KCNIP4: variants seen among roughly 807,000 people sequenced by gnomAD.
KCNIP4 encodes potassium voltage-gated channel interacting protein 4.
A neutral mutation model predicts 34.0 loss-of-function variants in KCNIP4; 12 were observed. The ratio of observed to expected loss-of-function variants is 0.35; its 90% CI spans 0.23 to 0.57. The LOEUF (loss-of-function observed/expected upper bound fraction) is 0.57. Among genes scored for constraint, KCNIP4 ranks in the 20% least tolerant of loss-of-function variants. The probability of loss-of-function intolerance (pLI) is 0.83; values close to 1 mark genes in which losing one functional copy is unlikely to be tolerated. For missense variants in KCNIP4, 238 were observed against 311.7 expected, an observed-to-expected ratio of 0.76 and a Z score of 1.78; for synonymous variants, 124 against 102.2, an observed-to-expected ratio of 1.21 and a Z score of -1.29.
At chr4:20,857,715 C>T (rs894618839) in intron 2 of KCNIP4, among the ~76,000 whole-genome samples, 1 of 152,042 alleles carries the variant, frequency 6.6e-6, no homozygotes, top group African/African-American at 2.4e-5. Flanking sequence ...AATAATGATA[C>T]AAATAATGAT....
chr4:20,879,611 GCTT>G (rs1470564623), intron 2 of KCNIP4, among the ~76,000 whole-genome samples: 3 of 152,164 alleles, frequency 2.0e-5, no homozygotes, highest in Non-Finnish European at 4.4e-5. Context: ...GTCATATGCT[GCTT>G]CTTTTAATGC....
At chr4:20,876,520 A>G (rs1214766743) in intron 2 of KCNIP4, among the ~76,000 whole-genome samples, 1 of 152,164 alleles carries the variant, frequency 6.6e-6, no homozygotes, top group African/African-American at 2.4e-5. Context: ...ATCAATGTAC[A>G]TTCACGAGCC....
At chr4:21,533,563 A>G (rs1397407247) in intron 1 of KCNIP4, among the ~76,000 whole-genome samples, 2 of 152,134 alleles carry the variant, frequency 1.3e-5, no homozygotes, top group Non-Finnish European at 2.9e-5. Flanking sequence ...GATCAAGGAT[A>G]CCTTTCTGGA....
At chr4:21,470,813 G>A (rs1195780675) in intron 1 of KCNIP4, among the ~76,000 whole-genome samples, 4 of 122,236 alleles carry the variant, frequency 3.3e-5, no homozygotes, top group Admixed American at 8.3e-5. Context: ...GCCAGCTGTT[G>A]ATAATTTAAC....
At chr4:21,385,497 G>A (rs1577277033) in intron 1 of KCNIP4, among the ~76,000 whole-genome samples, 1 of 152,172 alleles carries the variant, frequency 6.6e-6, no homozygotes, top group Non-Finnish European at 1.5e-5. Context: ...CACTTCCTAA[G>A]TTAAGGGACC....
At chr4:21,003,003 T>A (rs957462632) in intron 1 of KCNIP4, among the ~76,000 whole-genome samples, 30 of 152,196 alleles carry the variant, frequency 2.0e-4, no homozygotes, top group African/African-American at 7.0e-4. Flanking sequence ...ATTTTCTGAC[T>A]GCTCTTATTT....
At chr4:21,373,202 A>T (rs541051493) in intron 1 of KCNIP4, among the ~76,000 whole-genome samples, 2 of 146,940 alleles carry the variant, frequency 1.4e-5, no homozygotes, top group African/African-American at 2.7e-5. Flanking sequence ...GTGCACTTGT[A>T]GTCCTAGCTA....
Position 20,848,892 on chromosome 4 carries a change from CTG to C in KCNIP4, c.288+1649_288+1650del, listed in dbSNP as rs1291480154. Among the ~76,000 whole-genome samples, 14 of 152,226 alleles carry C rather than the reference CTG, an allele frequency of 9.2e-5. No individual in the cohort carries two copies. In the East Asian group the frequency reaches 2.5e-3, roughly 27 times the overall value. On this transcript the variant is annotated intron_variant, in intron 3 of 8. Transcript: ENST00000382152. The stretch of plus-strand genomic sequence containing the variant: ...ACATGAACACATTTGAAGTTTTATT[CTG>C]TGATTCACCTCCTCTGAGCACTGAC...
At position 21,466,824 on chromosome 4, in the gene KCNIP4, T is replaced by C. The variant is rs186623023; in HGVS notation, c.61+481747A>G. On this transcript the variant is annotated intron_variant, in intron 1 of 8. Transcript: ENST00000382152. ...GCATGGCCTCATCCCCACCCTACAA[T>C]CGCAGTACCCCATCCCTGGCATAGG... Among the ~76,000 whole-genome samples the C allele has an allele frequency of 9.9e-5, 15 of 151,992 alleles. No homozygotes were observed. The East Asian group carries it at 2.9e-3, about 29-fold the overall frequency.
chr4:21,440,239 A>T (rs1329735303), intron 1 of KCNIP4, among the ~76,000 whole-genome samples: 2 of 152,232 alleles, frequency 1.3e-5, no homozygotes, highest in African/African-American at 4.8e-5. Context: ...TATACATTTG[A>T]AATTGTCAAG....
chr4:21,588,989 C>T (rs534128598), intron 1 of KCNIP4, among the ~76,000 whole-genome samples: 82 of 150,828 alleles, frequency 5.4e-4, no homozygotes, highest in African/African-American at 1.8e-3. Context: ...AGCCTGGTGC[C>T]ATGGTGAGCA....
In KCNIP4 at chr4:21,448,368, C is replaced by T. The variant is rs189847147; in HGVS notation, c.61+500203G>A. 4.4e-3 allele frequency among the ~76,000 whole-genome samples: 671 copies of T among 152,072 alleles called. 8 individuals carry two copies. The highest frequency in any genetic ancestry group is 0.015 in the African/African-American group (639 of 41,464). On this transcript the variant is annotated intron_variant, in intron 1 of 8. Transcript: ENST00000382152. ...TCAAAAGAAAATGAGAAACATGTTA[C>T]TGGAAACTGGAGGAAAGGCAATCCA... is the stretch of plus-strand genomic sequence containing the variant.
At chr4:20,743,577 C>A (rs1432854167) in intron 5 of KCNIP4, among the ~76,000 whole-genome samples, 3 of 152,116 alleles carry the variant, frequency 2.0e-5, no homozygotes, top group Non-Finnish European at 4.4e-5. Flanking sequence ...ATGTAGAAAG[C>A]TGAAACTGGA....
chr4:21,903,998 G>A (rs375019242), intron 1 of KCNIP4, among the ~76,000 whole-genome samples: 10 of 152,184 alleles, frequency 6.6e-5, no homozygotes, highest in South Asian at 4.2e-4. Flanking sequence ...AATTAACAAC[G>A]TAGATAATGG....
At chr4:21,792,547 A>G (rs1204876181) in intron 1 of KCNIP4, among the ~76,000 whole-genome samples, 1 of 152,206 alleles carries the variant, frequency 6.6e-6, no homozygotes, top group African/African-American at 2.4e-5. Flanking sequence ...GGATAACAGA[A>G]GTTTGCAAAA....
intron 1 of KCNIP4, among the ~76,000 whole-genome samples, chr4:21,297,162 A>T (rs1763891314): frequency 6.6e-6 from 1 of 151,736 alleles, no homozygotes. Flanking sequence ...GAATGTGGTA[A>T]CAAATACCCA....
intron 2 of KCNIP4, among the ~76,000 whole-genome samples, chr4:20,859,667 TCTC>T (rs1418371076): frequency 2.0e-5 from 3 of 152,162 alleles, no homozygotes; most frequent in Non-Finnish European, 2.9e-5. Flanking sequence ...TAGTCATCGT[TCTC>T]CTCTTTCTCA....
intron 1 of KCNIP4, among the ~76,000 whole-genome samples, chr4:21,335,903 A>G (rs1716130798): frequency 6.6e-6 from 1 of 152,156 alleles, no homozygotes; most frequent in African/African-American, 2.4e-5. Context: ...ATAATTGATT[A>G]CCGATGCTCT....
chr4:21,827,630 C>T (rs902922514), intron 1 of KCNIP4, among the ~76,000 whole-genome samples: 7 of 151,944 alleles, frequency 4.6e-5, no homozygotes, highest in Admixed American at 1.3e-4. Context: ...AGGACAGAAA[C>T]CCCTACATAA....
Sources: allele counts gnomAD v4.1 joint callset (sites outside exome capture counted in the v4.1 genomes callset), GRCh38; gene constraint gnomAD v4.1.1; transcripts MANE v1.5; gene names NCBI Gene and HGNC (gene_info 2026-07-23, HGNC 2026-07-21).